The following TMPRSS12 variants were observed in gnomAD, a reference collection of about 807,000 sequenced individuals.
TMPRSS12 encodes the protein transmembrane serine protease 12, also known as transmembrane protease serine 12.
A neutral mutation model predicts 26.0 loss-of-function variants in TMPRSS12; 25 were observed. That is an observed-to-expected ratio of 0.96 (90% CI 0.70 to 1.34). TMPRSS12 has a LOEUF of 1.34. Among genes scored for constraint, TMPRSS12 ranks in the 40% most tolerant of loss-of-function variants. The probability of loss-of-function intolerance (pLI) is 0.00; values close to 1 mark genes in which losing one functional copy is unlikely to be tolerated. For synonymous variants in TMPRSS12, 150 were observed against 161.7 expected (o/e 0.93, Z 0.55); for missense variants, 441 against 440.1 (o/e 1.00, Z -0.02).
chr12:50,878,879 G>A (rs1938138223), intron 3 of TMPRSS12, among the ~76,000 whole-genome samples: 1 of 152,176 alleles, frequency 6.6e-6, no homozygotes, highest in Non-Finnish European at 1.5e-5. Context: ...AGGAAGTAGG[G>A]CCTTTTGAGA....
chr12:50,872,105 GAAAA>G, intron 3 of TMPRSS12, among the ~76,000 whole-genome samples: 1 of 152,134 alleles, frequency 6.6e-6, no homozygotes, highest in Admixed American at 6.5e-5. Flanking sequence ...CTACCCAGAA[GAAAA>G]GAAGTCATTA....
intron 4 of TMPRSS12, 39 bp from the exon 5 acceptor site, chr12:50,887,223 C>A: frequency 6.3e-7 from 1 of 1,592,714 alleles, no homozygotes; most frequent in South Asian, 1.1e-5. Context: ...TTGAAGAATA[C>A]TAGAAGTAAC....
At chr12:50,851,254 G>A (rs1185803221) in intron 2 of TMPRSS12, among the ~76,000 whole-genome samples, 2 of 152,202 alleles carry the variant, frequency 1.3e-5, no homozygotes, top group African/African-American at 2.4e-5. Flanking sequence ...GGATGGCAAT[G>A]AAGATAAACA....
In TMPRSS12 at chr12:50,843,867, T is replaced by C. The variant is rs139656263; in HGVS notation, c.213T>C (p.Asp71=). ...AEDCGTAPLK[D]VLQGSRIIGG... Reference sequence around the variant, plus strand: ...ATTGTGGAACAGCACCGCTTAAGGATGTGTTGCAAGGGTCTCGGATTATAG... The same window carrying C: ...ATTGTGGAACAGCACCGCTTAAGGACGTGTTGCAAGGGTCTCGGATTATAG... Residue 71 remains aspartate (D), a synonymous_variant, in exon 2 of 5, where the codon GAT becomes GAC. Coordinates refer to ENST00000398458, the MANE Select transcript of TMPRSS12 (RefSeq NM_182559.3). 30 of 1,559,106 alleles carry C rather than the reference T, an allele frequency of 1.9e-5. No homozygotes were observed. Among genetic ancestry groups the C allele is most frequent in the Non-Finnish European group, 2.4e-5 (28 of 1,151,374 alleles).
Position 50,887,723 on chromosome 12 carries a change from A to T in TMPRSS12, c.*210A>T, listed in dbSNP as rs1008013874. 1.9e-6 allele frequency: 1 copy of T among 521,680 alleles called. No homozygotes were observed. The highest frequency in any genetic ancestry group is 3.2e-6 in the Non-Finnish European group (1 of 307,956). The allele number at this position is 521,680 out of a possible 1,614,324, so 32.3% of individuals were successfully genotyped here. ...CCTTGAAATATCTTGATTATTTTAT[A>T]ATCATAATTCTGTATCTGGAATACT... On this transcript the variant is annotated 3_prime_UTR_variant, in exon 5 of 5. Coordinates refer to ENST00000398458, the MANE Select transcript of TMPRSS12 (RefSeq NM_182559.3).
intron 3 of TMPRSS12, among the ~76,000 whole-genome samples, chr12:50,875,489 CAAAA>C (rs56816598): frequency 1.4e-5 from 1 of 69,500 alleles, no homozygotes; most frequent in South Asian, 7.2e-4. Flanking sequence ...GACTCCATCT[CAAAA>C]AAAAAAAAAA....
At chr12:50,878,948 C>A (rs779674854) in intron 3 of TMPRSS12, among the ~76,000 whole-genome samples, 4 of 152,214 alleles carry the variant, frequency 2.6e-5, no homozygotes, top group Non-Finnish European at 5.9e-5. Context: ...AAAAAGCTGC[C>A]TTGCCCTTCC....
chr12:50,877,257 C>T, intron 3 of TMPRSS12, among the ~76,000 whole-genome samples: 1 of 152,056 alleles, frequency 6.6e-6, no homozygotes, highest in East Asian at 1.9e-4. Context: ...TAGAAGGAAG[C>T]TTAAACTGAT....
intron 3 of TMPRSS12, among the ~76,000 whole-genome samples, chr12:50,863,025 G>A (rs1036252178): frequency 2.6e-5 from 4 of 151,658 alleles, no homozygotes; most frequent in Non-Finnish European, 4.4e-5. Flanking sequence ...AGACCTCGTC[G>A]CTAAAAAAAT....
At chr12:50,881,209 C>T (rs1304625128) in intron 3 of TMPRSS12, among the ~76,000 whole-genome samples, 1 of 151,880 alleles carries the variant, frequency 6.6e-6, no homozygotes, top group Non-Finnish European at 1.5e-5. Flanking sequence ...TCTTGAACTC[C>T]TGACCTCAGG....
intron 3 of TMPRSS12, among the ~76,000 whole-genome samples, chr12:50,877,594 GC>G (rs1486466957): frequency 6.6e-6 from 1 of 152,088 alleles, no homozygotes; most frequent in Non-Finnish European, 1.5e-5. Flanking sequence ...ATTCATAATA[GC>G]GTTTATTTAT....
At position 50,843,052 on chromosome 12, in the gene TMPRSS12, A is replaced by T; in HGVS notation, c.88A>T (p.Arg30Trp). Residue 30 changes from arginine (R) to tryptophan (W), a missense_variant, in exon 1 of 5, where the codon AGG (arginine) becomes TGG (tryptophan). Physicochemically the swap from Arg to Trp is moderately radical, Grantham distance 101 (BLOSUM62 -3). Coordinates refer to ENST00000398458, the MANE Select transcript of TMPRSS12 (RefSeq NM_182559.3). ...SDHYSPSGRH[R>W]LGPSPEPAAS... is the part of the protein sequence containing the mutation. ...CCACTACTCGCCCTCTGGAAGGCAC[A>T]GGCTCGGCCCCTCGCCGGAACCGGC... 6.2e-7 allele frequency: 1 copy of T among 1,601,526 alleles called. No individual in the cohort carries two copies. The highest frequency in any genetic ancestry group is 8.5e-7 in the Non-Finnish European group (1 of 1,174,410).
chr12:50,880,200 C>A (rs1044321454), intron 3 of TMPRSS12, among the ~76,000 whole-genome samples: 2 of 151,886 alleles, frequency 1.3e-5, no homozygotes, highest in Non-Finnish European at 2.9e-5. Context: ...AGTTTGAGAC[C>A]AGCCTGAGCA....
At chr12:50,859,193 A>AT in intron 3 of TMPRSS12, 140 bp downstream of exon 3, 4 of 755,048 alleles carry the variant, frequency 5.3e-6, no homozygotes, top group Admixed American at 7.3e-5. Flanking sequence ...GGTCTATAAG[A>AT]TTATTTTTCC....
chr12:50,883,736 G>T lies in TMPRSS12; in HGVS notation c.653-1510G>T, dbSNP rs138852765. On this transcript the variant is annotated intron_variant, in intron 3 of 4. Coordinates refer to ENST00000398458, the MANE Select transcript of TMPRSS12 (RefSeq NM_182559.3). ...TGAGAAGTCTCAGCTGGGTGCAGTG[G>T]CTCATGCTTGCAATCCAAGCACTTT... Among the ~76,000 whole-genome samples, 13 of 152,274 alleles carry T rather than the reference G, an allele frequency of 8.5e-5. No homozygotes were observed. In the East Asian group the frequency reaches 2.1e-3, roughly 25 times the overall value.
chr12:50,879,029 G>A (rs1938140102), intron 3 of TMPRSS12, among the ~76,000 whole-genome samples: 1 of 152,206 alleles, frequency 6.6e-6, no homozygotes, highest in Admixed American at 6.5e-5. Flanking sequence ...CACCGAATCT[G>A]CCAGTGCCTT....
At chr12:50,843,428 A>G (rs1937733814) in intron 1 of TMPRSS12, among the ~76,000 whole-genome samples, 1 of 152,148 alleles carries the variant, frequency 6.6e-6, no homozygotes, top group Admixed American at 6.5e-5. Context: ...GTTGAAAGGG[A>G]GGGCTATTAG....
intron 2 of TMPRSS12, among the ~76,000 whole-genome samples, chr12:50,858,218 A>T (rs533975610): frequency 6.6e-6 from 1 of 152,270 alleles, no homozygotes; most frequent in African/African-American, 2.4e-5. Context: ...AAAATTATAA[A>T]AGTAGAGGGA....
chr12:50,877,538 T>C (rs554678785), intron 3 of TMPRSS12, among the ~76,000 whole-genome samples: 3 of 152,230 alleles, frequency 2.0e-5, no homozygotes, highest in Non-Finnish European at 4.4e-5. Context: ...AATATGTCTA[T>C]ACTTGCAATA....
Sources: allele counts gnomAD v4.1 joint callset (sites outside exome capture counted in the v4.1 genomes callset), GRCh38; gene constraint gnomAD v4.1.1; transcripts MANE v1.5; gene names NCBI Gene and HGNC (gene_info 2026-07-23, HGNC 2026-07-21).